Variants in BCKDHB observed in about 807,000 individuals in gnomAD.
The protein encoded by BCKDHB is 2-oxoisovalerate dehydrogenase subunit beta, mitochondrial.
In BCKDHB, 41 loss-of-function variants were observed where a neutral mutation model predicts 48.5. The ratio of observed to expected loss-of-function variants is 0.85; its 90% confidence interval spans 0.66 to 1.10. BCKDHB has a LOEUF of 1.10. BCKDHB is among the 50% of genes least tolerant of loss of function. The pLI is 0.00. For missense variants in BCKDHB, 496 were observed against 494.2 expected, an observed-to-expected ratio of 1.00 and a Z score of -0.03; for synonymous variants, 201 against 174.8, an observed-to-expected ratio of 1.15 and a Z score of -1.18.
At chr6:80,111,069 C>T (rs1337123478) in intron 1 of BCKDHB, among the ~76,000 whole-genome samples, 1 of 152,156 alleles carries the variant, frequency 6.6e-6, no homozygotes, top group Admixed American at 6.5e-5. Context: ...CTTGATACTA[C>T]TAGAAATTAC....
At chr6:80,303,453 G>T (rs1452622779) in intron 9 of BCKDHB, among the ~76,000 whole-genome samples, 4 of 151,956 alleles carry the variant, frequency 2.6e-5, no homozygotes, top group African/African-American at 9.7e-5. Flanking sequence ...GATCTCTCCT[G>T]ATCTCCTTTC....
chr6:80,110,409 A>T (rs1296518034), intron 1 of BCKDHB, among the ~76,000 whole-genome samples: 1 of 152,148 alleles, frequency 6.6e-6, no homozygotes, highest in Non-Finnish European at 1.5e-5. Flanking sequence ...TTTTTCATCC[A>T]GGATTTGGCT....
chr6:80,106,873 G>T lies in BCKDHB; in HGVS notation c.180G>T (p.Pro60=), dbSNP rs766108173. 2 of 1,607,476 alleles carry T rather than the reference G, an allele frequency of 1.2e-6. No homozygotes were observed. The highest frequency in any genetic ancestry group is 2.2e-5 in the South Asian group (2 of 90,076). ...CTCATTTTACTTTCCAGCCAGATCC[G>T]GAGCCCCGGGAGTACGGTGAGCCCT... The part of the protein sequence containing the change: ...QVAHFTFQPD[P]EPREYGQTQK... The change falls in exon 1 of 10, where the codon CCG becomes CCT. Residue 60 remains proline, a synonymous_variant. Coordinates refer to ENST00000320393, the MANE Select transcript of BCKDHB (RefSeq NM_183050.4).
intron 3 of BCKDHB, among the ~76,000 whole-genome samples, chr6:80,134,162 T>G (rs1353697586): frequency 6.6e-6 from 1 of 152,146 alleles, no homozygotes; most frequent in Non-Finnish European, 1.5e-5. Context: ...AGTGTATATT[T>G]GGCCCACTTA....
intron 8 of BCKDHB, among the ~76,000 whole-genome samples, chr6:80,209,226 T>G (rs1774808561): frequency 6.6e-6 from 1 of 151,970 alleles, no homozygotes; most frequent in Non-Finnish European, 1.5e-5. Flanking sequence ...AGTGAAATTT[T>G]GACAGCTTTC....
chr6:80,327,550 T>C (rs148693622), intron 9 of BCKDHB, among the ~76,000 whole-genome samples: 1 of 152,314 alleles, frequency 6.6e-6, no homozygotes, highest in Non-Finnish European at 1.5e-5. Context: ...TGGGAAGGTC[T>C]CAGGAAACTT....
chr6:80,294,468 G>T (rs970173770), intron 9 of BCKDHB, among the ~76,000 whole-genome samples: 2 of 152,176 alleles, frequency 1.3e-5, no homozygotes, highest in Non-Finnish European at 2.9e-5. Context: ...CCGCCTGTGG[G>T]GTTGGACAAA....
chr6:80,397,961 A>G, the BCKDHB span, among the ~76,000 whole-genome samples: 1 of 152,180 alleles, frequency 6.6e-6, no homozygotes, highest in African/African-American at 2.4e-5. Context: ...AAGTTAAACA[A>G]GTTGCTTCTG....
intron 9 of BCKDHB, among the ~76,000 whole-genome samples, chr6:80,276,673 C>T (rs1162346978): frequency 6.6e-6 from 1 of 151,446 alleles, no homozygotes; most frequent in Non-Finnish European, 1.5e-5. Context: ...TGTTTCATTC[C>T]TGCTACTTTT....
At chr6:80,373,197 T>C in the BCKDHB span, among the ~76,000 whole-genome samples, 1 of 152,158 alleles carries the variant, frequency 6.6e-6, no homozygotes, top group Non-Finnish European at 1.5e-5. Flanking sequence ...TTTCCAGGAA[T>C]TTATCCATCT....
the BCKDHB span, among the ~76,000 whole-genome samples, chr6:80,461,106 A>G: frequency 6.6e-6 from 1 of 152,316 alleles, no homozygotes; most frequent in Non-Finnish European, 1.5e-5. Context: ...GAATTTAAAA[A>G]TCAATTATAT....
chr6:80,141,531 T>G (rs115192493), intron 3 of BCKDHB, among the ~76,000 whole-genome samples: 1 of 152,126 alleles, frequency 6.6e-6, no homozygotes, highest in Non-Finnish European at 1.5e-5. Flanking sequence ...TTTGACATTT[T>G]AAGTATCAGT....
chr6:80,401,562 T>A, the BCKDHB span, among the ~76,000 whole-genome samples: 1 of 151,836 alleles, frequency 6.6e-6, no homozygotes, highest in Non-Finnish European at 1.5e-5. Flanking sequence ...TCCTTTTTTA[T>A]GTATATAAAG....
chr6:80,305,030 G>A (rs1459584392), intron 9 of BCKDHB, among the ~76,000 whole-genome samples: 3 of 151,958 alleles, frequency 2.0e-5, no homozygotes, highest in Admixed American at 6.6e-5. Flanking sequence ...TGTTGTACTC[G>A]ATGTCCTAGG....
chr6:80,325,732 T>C (rs111327242), intron 9 of BCKDHB, among the ~76,000 whole-genome samples: 1,632 of 152,334 alleles, frequency 0.011, 22 homozygotes, highest in African/African-American at 0.037. Flanking sequence ...CTTCAATTAC[T>C]TCTGTTTAAT....
intron 9 of BCKDHB, among the ~76,000 whole-genome samples, chr6:80,320,206 C>T (rs1053159138): frequency 6.6e-6 from 1 of 152,000 alleles, no homozygotes; most frequent in Non-Finnish European, 1.5e-5. Context: ...TTATATAGTT[C>T]TGGGTTCTTG....
At chr6:80,247,068 T>C (rs1776648563) in intron 8 of BCKDHB, among the ~76,000 whole-genome samples, 1 of 152,216 alleles carries the variant, frequency 6.6e-6, no homozygotes, top group Non-Finnish European at 1.5e-5. Flanking sequence ...TCATATAAGC[T>C]CTCAATTCTA....
chr6:80,113,589 A>T (rs11962614), intron 1 of BCKDHB, among the ~76,000 whole-genome samples: 55,830 of 152,120 alleles, frequency 0.37, 12,257 homozygotes, highest in Admixed American at 0.56. Context: ...GAGGAAAACG[A>T]GAAGAAAAAT....
intron 9 of BCKDHB, among the ~76,000 whole-genome samples, chr6:80,310,393 G>A (rs1055235844): frequency 1.3e-5 from 2 of 152,060 alleles, no homozygotes; most frequent in African/African-American, 2.4e-5. Context: ...AAGGATAATC[G>A]CTTCCAGCTC....
Sources: gnomAD v4.1 joint callset for allele counts (sites outside exome capture counted in the v4.1 genomes callset) on GRCh38, gnomAD v4.1.1 for gene constraint, MANE v1.5 for transcripts, NCBI Gene and HGNC (gene_info 2026-07-23, HGNC 2026-07-21) for gene names.